ARHGAP32: variants seen among roughly 807,000 people sequenced by gnomAD.
The protein encoded by ARHGAP32 is rho GTPase-activating protein 32.
A neutral mutation model predicts 186.5 loss-of-function variants in ARHGAP32; 51 were observed. That is an observed-to-expected ratio of 0.27 (90% CI 0.22 to 0.35). The LOEUF (loss-of-function observed/expected upper bound fraction) is 0.35. Ranked by LOEUF, ARHGAP32 falls within the 10% of genes least tolerant of loss-of-function variation. ARHGAP32 has a pLI of 1.00. For missense variants in ARHGAP32, 2,186 were observed against 2,623.5 expected (o/e 0.83, Z 3.64); for synonymous variants, 950 against 964.3 (o/e 0.99, Z 0.27).
At chr11:129,176,630 T>A (rs1245782565) in intron 1 of ARHGAP32, among the ~76,000 whole-genome samples, 10 of 141,506 alleles carry the variant, frequency 7.1e-5, no homozygotes, top group Admixed American at 2.1e-4. Context: ...GGATTAAGAA[T>A]CTCACTCAAA....
At chr11:129,022,093 G>A (rs1190840543) in intron 11 of ARHGAP32, among the ~76,000 whole-genome samples, 2 of 152,148 alleles carry the variant, frequency 1.3e-5, no homozygotes, top group Non-Finnish European at 2.9e-5. Context: ...AGGAAGACAT[G>A]CTTGTGTATT....
chr11:128,977,851 TTTATTATTATTATTATTATTA>T (rs58982581), intron 19 of ARHGAP32, among the ~76,000 whole-genome samples: 40 of 138,964 alleles, frequency 2.9e-4, no homozygotes, highest in African/African-American at 9.8e-4. Flanking sequence ...TTATTTGCAA[TTTATTATTATTATTATTATTA>T]TTATTATTAT....
chr11:129,036,237 G>A (rs560759731), intron 11 of ARHGAP32, among the ~76,000 whole-genome samples: 12 of 151,874 alleles, frequency 7.9e-5, no homozygotes, highest in East Asian at 7.8e-4. Context: ...AAAGTTAGCC[G>A]GGCATGGTGG....
intron 11 of ARHGAP32, among the ~76,000 whole-genome samples, chr11:129,028,204 C>T (rs1238341477): frequency 1.3e-5 from 2 of 152,166 alleles, no homozygotes; most frequent in Non-Finnish European, 2.9e-5. Context: ...AGTGAAGTAT[C>T]AAACTCAAAA....
rs1268773909 is a variant in ARHGAP32 at position 128,972,547 on chromosome 11, A to G, written c.3959T>C (p.Leu1320Pro). 6.4e-6 allele frequency: 10 copies of G among 1,571,406 alleles called. No homozygotes were observed. Among genetic ancestry groups the G allele is most frequent in the Non-Finnish European group, 8.6e-6 (10 of 1,156,330 alleles). ...AGATCTCTGGGAAGGCGGAGGGGGA[A>G]GGGGACGATTAGTTCTGTGCGTGCG... ...LQRTHRTNRP[L>P]PPPPSQRSAE... is the part of the protein sequence containing the mutation. The change falls in exon 22 of 23, where the codon CTT (leucine) becomes CCT (proline). Residue 1320 changes from leucine to proline, a missense_variant. Physicochemically the swap from Leu to Pro is moderately conservative, Grantham distance 98 (BLOSUM62 -3). Around this residue, in one of 5 missense-constraint regions of ARHGAP32, gnomAD observed 1,502 missense variants for 1,570.0 expected, o/e 0.96. Coordinates refer to ENST00000682385, the MANE Select transcript of ARHGAP32 (RefSeq NM_001378024.1).
Position 129,192,112 on chromosome 11 carries a change from ACAGT to A in ARHGAP32, c.83_86del (p.Asp28ValfsTer13), listed in dbSNP as rs761109488. 1 of 1,613,792 alleles carries A rather than the reference ACAGT, an allele frequency of 6.2e-7. No individual in the cohort carries two copies. The highest frequency in any genetic ancestry group is 1.7e-5 in the Admixed American group (1 of 60,016). ...ACTTCTCTTCCCTTTCTTCCTCTTCACAGTCAGTCACCTGGATTATAACTTCAGA... is the reference window on the plus strand; with the variant it reads ...ACTTCTCTTCCCTTTCTTCCTCTTCACAGTCACCTGGATTATAACTTCAGA... On this transcript the variant is annotated frameshift_variant, in exon 1 of 23. Coordinates refer to ENST00000682385, the MANE Select transcript of ARHGAP32 (RefSeq NM_001378024.1). LOFTEE classifies it high-confidence loss of function.
At chr11:129,040,019 T>C (rs1301246927) in intron 11 of ARHGAP32, among the ~76,000 whole-genome samples, 1 of 152,198 alleles carries the variant, frequency 6.6e-6, no homozygotes, top group African/African-American at 2.4e-5. Flanking sequence ...GAAATAAGCT[T>C]TGAAAGGTAT....
chr11:129,031,090 T>C (rs548923768), intron 11 of ARHGAP32, among the ~76,000 whole-genome samples: 3 of 152,268 alleles, frequency 2.0e-5, no homozygotes, highest in South Asian at 4.1e-4. Flanking sequence ...TCTTTATAAA[T>C]TACCCAATCT....
chr11:129,008,641 C>T (rs535841008), intron 11 of ARHGAP32, among the ~76,000 whole-genome samples: 26 of 151,984 alleles, frequency 1.7e-4, no homozygotes, highest in Non-Finnish European at 2.8e-4. Flanking sequence ...TATTCTAGAC[C>T]GTAACACAGA....
chr11:129,011,518 T>C (rs574708081), intron 11 of ARHGAP32, among the ~76,000 whole-genome samples: 2 of 152,178 alleles, frequency 1.3e-5, no homozygotes, highest in East Asian at 3.9e-4. Flanking sequence ...CTGGAAGCCA[T>C]GAGAGGGGTA....
At chr11:129,066,615 T>C (rs1940698495) in intron 7 of ARHGAP32, 116 bp downstream of exon 7, 1 of 869,366 alleles carries the variant, frequency 1.2e-6, no homozygotes. Context: ...AACAGGCAAG[T>C]AGTCCCAGGA....
chr11:129,004,225 G>T (rs1937644086), intron 11 of ARHGAP32, among the ~76,000 whole-genome samples: 1 of 145,938 alleles, frequency 6.9e-6, no homozygotes, highest in Non-Finnish European at 1.5e-5. Flanking sequence ...AGAGATGCCT[G>T]ATATCACTTC....
intron 1 of ARHGAP32, among the ~76,000 whole-genome samples, chr11:129,275,548 T>C (rs970880398): frequency 3.9e-5 from 6 of 152,174 alleles, no homozygotes; most frequent in Non-Finnish European, 8.8e-5. Context: ...ATAGCACATA[T>C]GCTAATTAAA....
chr11:129,148,393 A>G lies in ARHGAP32; in HGVS notation c.225+15926T>C, dbSNP rs116558765. ...TGATTTAAACTTACCTAGAGCTTAA[A>G]CAAATTTAAGGACTCATGAAAAACA... On this transcript the variant is annotated intron_variant, in intron 2 of 22. Transcript: ENST00000682385. Among the ~76,000 whole-genome samples the G allele has an allele frequency of 5.5e-3, 841 of 152,298 alleles. 11 individuals are homozygous for G. The highest frequency in any genetic ancestry group is 0.019 in the African/African-American group (804 of 41,568).
chr11:128,998,211 G>T, intron 12 of ARHGAP32, 108 bp downstream of exon 12: 1 of 949,914 alleles, frequency 1.1e-6, no homozygotes, highest in Non-Finnish European at 1.5e-6. Context: ...GCATTGAACT[G>T]AAATGAAACA....
At chr11:129,270,193 A>G (rs1261768881) in intron 1 of ARHGAP32, among the ~76,000 whole-genome samples, 1 of 152,186 alleles carries the variant, frequency 6.6e-6, no homozygotes, top group Admixed American at 6.5e-5. Context: ...ATAAAAAAGA[A>G]ATGAACAATC....
rs951529407 is a variant in ARHGAP32, at chr11:128,995,231, G to C, written c.1195+3088C>G. 8.6e-5 allele frequency among the ~76,000 whole-genome samples: 13 copies of C among 152,038 alleles called. 1 individual carries two copies. The highest frequency in any genetic ancestry group is 5.9e-4 in the Admixed American group (9 of 15,264). The stretch of plus-strand genomic sequence containing the variant: ...TATTTTATTTATTTATTTAGAGACA[G>C]GGTTTTGCCTTGTTGCCCAGGCTGG... On this transcript the variant is annotated intron_variant, in intron 12 of 22. Transcript: ENST00000682385.
intron 6 of ARHGAP32, among the ~76,000 whole-genome samples, chr11:129,086,928 G>C (rs1265638404): frequency 1.3e-5 from 2 of 151,868 alleles, no homozygotes; most frequent in Non-Finnish European, 2.9e-5. Flanking sequence ...TAAAAAACAG[G>C]CAAAAGATTT....
chr11:129,160,935 T>C (rs947389167), intron 2 of ARHGAP32, among the ~76,000 whole-genome samples: 9 of 152,174 alleles, frequency 5.9e-5, no homozygotes, highest in Admixed American at 5.9e-4. Flanking sequence ...CAAAACAGCA[T>C]GGTACTGGTG....
Sources: gnomAD v4.1 joint callset for allele counts (sites outside exome capture counted in the v4.1 genomes callset) on GRCh38, gnomAD v4.1.1 for gene constraint, gnomAD v4.1.1 regional missense constraint, MANE v1.5 for transcripts, NCBI Gene and HGNC (gene_info 2026-07-23, HGNC 2026-07-21) for gene names.